SMYD3: variants seen among roughly 807,000 people sequenced by gnomAD.
SMYD3 encodes histone-lysine N-methyltransferase SMYD3.
A neutral mutation model predicts 57.7 loss-of-function variants in SMYD3; 36 were observed. The observed-to-expected ratio is 0.62, with a 90% CI of 0.48 to 0.82. The LOEUF (loss-of-function observed/expected upper bound fraction) is 0.82, where lower values mean the gene tolerates loss of function less well. Ranked by LOEUF, SMYD3 falls within the 40% of genes least tolerant of loss-of-function variation. The pLI is 0.00. For missense variants in SMYD3, 515 were observed against 538.8 expected (o/e 0.96, Z 0.44); for synonymous variants, 211 against 195.0 (o/e 1.08, Z -0.68).
At chr1:245,890,786 T>C (rs1367561540) in intron 8 of SMYD3, among the ~76,000 whole-genome samples, 1 of 152,238 alleles carries the variant, frequency 6.6e-6, no homozygotes, top group Non-Finnish European at 1.5e-5. Context: ...TTTATTGCAC[T>C]ACTATTCACA....
chr1:246,272,459 C>T (rs1233601232), intron 5 of SMYD3, among the ~76,000 whole-genome samples: 1 of 151,984 alleles, frequency 6.6e-6, no homozygotes, highest in African/African-American at 2.4e-5. Flanking sequence ...CTTTTTATTC[C>T]TTATGTGTTC....
chr1:245,936,821 C>T (rs577194303), intron 5 of SMYD3, among the ~76,000 whole-genome samples: 11 of 151,412 alleles, frequency 7.3e-5, no homozygotes, highest in East Asian at 3.9e-4. Context: ...GAGCCATGAT[C>T]GCGCCACTGC....
chr1:246,298,926 T>C (rs1359256474), intron 5 of SMYD3, among the ~76,000 whole-genome samples: 5 of 152,152 alleles, frequency 3.3e-5, no homozygotes, highest in Non-Finnish European at 7.4e-5. Context: ...ATATCACTTT[T>C]AAGATTGGCA....
intron 10 of SMYD3, among the ~76,000 whole-genome samples, chr1:245,817,151 G>C (rs1302077470): frequency 5.3e-5 from 8 of 150,474 alleles, no homozygotes; most frequent in Admixed American, 2.0e-4. Flanking sequence ...GTCCCTGTCT[G>C]ACAGCTTTGA....
intron 10 of SMYD3, among the ~76,000 whole-genome samples, chr1:245,767,222 G>A (rs552743206): frequency 8.0e-5 from 12 of 149,602 alleles, no homozygotes; most frequent in South Asian, 2.1e-4. Context: ...AATAAAGACC[G>A]GGATTAAGAG....
At chr1:245,860,319 C>T (rs1170102015) in intron 9 of SMYD3, among the ~76,000 whole-genome samples, 1 of 152,206 alleles carries the variant, frequency 6.6e-6, no homozygotes, top group East Asian at 1.9e-4. Context: ...TCCCCTCTCC[C>T]TCTCTGTCCA....
intron 5 of SMYD3, among the ~76,000 whole-genome samples, chr1:246,102,789 G>A (rs2061041256): frequency 6.6e-6 from 1 of 151,966 alleles, no homozygotes; most frequent in South Asian, 2.1e-4. Context: ...CTACTCCGGA[G>A]GCTGAGGTGG....
intron 5 of SMYD3, among the ~76,000 whole-genome samples, chr1:246,063,559 T>C (rs1412779860): frequency 6.7e-6 from 1 of 149,466 alleles, no homozygotes; most frequent in Admixed American, 6.7e-5. Flanking sequence ...CTTCCTTCCC[T>C]TCCTTCCTTC....
chr1:245,760,305 G>C (rs1173816002), intron 11 of SMYD3, among the ~76,000 whole-genome samples: 1 of 152,166 alleles, frequency 6.6e-6, no homozygotes, highest in Non-Finnish European at 1.5e-5. Flanking sequence ...CATCCCGAGG[G>C]TGCCCGTCTG....
In SMYD3 at chr1:246,125,070, T is replaced by C. The variant is rs1027117160; in HGVS notation, c.532-195133A>G. 6.3e-3 allele frequency among the ~76,000 whole-genome samples: 249 copies of C among 39,352 alleles called. 2 individuals are homozygous for C. Among genetic ancestry groups the C allele is most frequent in the African/African-American group, 0.031 (237 of 7,766 alleles). 25.8% of individuals were successfully genotyped at this position (39,352 alleles called of 152,430 possible). A position where few individuals can be genotyped will look rare whatever the true frequency, so the allele number is the denominator to read the frequency against. ...CTGGGCGACAGAGCGAGACTCCGTC[T>C]CAAAAAAAAAAAAAAAAACACACAC... On this transcript the variant is annotated intron_variant, in intron 5 of 11. Transcript: ENST00000490107.
chr1:246,366,229 T>C (rs1275519922), intron 1 of SMYD3, among the ~76,000 whole-genome samples: 33 of 152,252 alleles, frequency 2.2e-4, no homozygotes, highest in Non-Finnish European at 1.5e-5. Context: ...TTCAGAGTAC[T>C]TGAATAATTT....
intron 5 of SMYD3, chr1:246,326,194 C>T: frequency 1.3e-5 from 6 of 447,714 alleles, no homozygotes; most frequent in Middle Eastern, 1.1e-3. Context: ...TATCTTCAAA[C>T]GTGTGCTTAC....
intron 1 of SMYD3, among the ~76,000 whole-genome samples, chr1:246,361,591 T>C (rs1489972047): frequency 6.6e-6 from 1 of 152,118 alleles, no homozygotes; most frequent in South Asian, 2.1e-4. Context: ...GGTATATATA[T>C]ACACCATGGA....
chr1:246,027,959 A>G (rs1273155381), intron 5 of SMYD3, among the ~76,000 whole-genome samples: 1 of 152,232 alleles, frequency 6.6e-6, no homozygotes, highest in African/African-American at 2.4e-5. Flanking sequence ...TATCAACATT[A>G]ACAAGAGTTT....
chr1:246,087,738 C>T (rs1180899356), intron 5 of SMYD3, among the ~76,000 whole-genome samples: 1 of 152,128 alleles, frequency 6.6e-6, no homozygotes, highest in Non-Finnish European at 1.5e-5. Context: ...ATTTGCAAAG[C>T]AGAATTCCAA....
intron 1 of SMYD3, among the ~76,000 whole-genome samples, chr1:246,504,862 T>C (rs2068512227): frequency 6.6e-6 from 1 of 152,216 alleles, no homozygotes; most frequent in South Asian, 2.1e-4. Context: ...AGATGACAAG[T>C]AATACAGAAA....
chr1:245,814,672 G>C (rs1400872341), intron 10 of SMYD3, among the ~76,000 whole-genome samples: 1 of 152,128 alleles, frequency 6.6e-6, no homozygotes, highest in Non-Finnish European at 1.5e-5. Flanking sequence ...ACTTAAGCTT[G>C]TGCCGGCTCT....
chr1:245,874,532 A>G (rs1336807711), intron 8 of SMYD3, among the ~76,000 whole-genome samples: 1 of 152,192 alleles, frequency 6.6e-6, no homozygotes, highest in East Asian at 1.9e-4. Context: ...CAGTTAATGG[A>G]GGGTTCCATA....
intron 5 of SMYD3, among the ~76,000 whole-genome samples, chr1:246,038,861 T>C (rs1364408440): frequency 6.6e-6 from 1 of 152,206 alleles, no homozygotes; most frequent in Non-Finnish European, 1.5e-5. Context: ...ACAAATATCT[T>C]TGTGGAAATT....
Sources: allele counts gnomAD v4.1 joint callset (sites outside exome capture counted in the v4.1 genomes callset), GRCh38; gene constraint gnomAD v4.1.1; transcripts MANE v1.5; gene names NCBI Gene and HGNC (gene_info 2026-07-23, HGNC 2026-07-21).